Variants in OSBPL1A observed in about 807,000 individuals in gnomAD.
The protein encoded by OSBPL1A is oxysterol binding protein like 1A.
A neutral mutation model predicts 137.1 loss-of-function variants in OSBPL1A; 80 were observed. The observed-to-expected ratio is 0.58, with a 90% CI of 0.49 to 0.70. The LOEUF is 0.70. Among genes scored for constraint, OSBPL1A ranks in the 30% least tolerant of loss-of-function variants. The pLI is 0.00. For synonymous variants in OSBPL1A, 365 were observed against 389.7 expected, an observed-to-expected ratio of 0.94 and a Z score of 0.75; for missense variants, 970 against 1,129.4, an observed-to-expected ratio of 0.86 and a Z score of 2.02.
intron 15 of OSBPL1A, among the ~76,000 whole-genome samples, chr18:24,256,387 C>CT (rs774587344): frequency 6.6e-6 from 1 of 152,174 alleles, no homozygotes; most frequent in Non-Finnish European, 1.5e-5. Flanking sequence ...ACCATTTCAA[C>CT]TGATGCTGAA....
intron 15 of OSBPL1A, among the ~76,000 whole-genome samples, chr18:24,273,017 T>C (rs775348665): frequency 1.3e-5 from 2 of 152,182 alleles, no homozygotes; most frequent in Non-Finnish European, 2.9e-5. Context: ...GTGATTCTCG[T>C]GCCCCAGCTT....
At chr18:24,224,279 C>T (rs938698470) in intron 17 of OSBPL1A, among the ~76,000 whole-genome samples, 1 of 152,076 alleles carries the variant, frequency 6.6e-6, no homozygotes, top group African/African-American at 2.4e-5. Flanking sequence ...GTTACACAAC[C>T]TACAAATATT....
intron 1 of OSBPL1A, among the ~76,000 whole-genome samples, chr18:24,396,923 ATAT>A (rs1376099107): frequency 6.6e-6 from 1 of 152,206 alleles, no homozygotes; most frequent in African/African-American, 2.4e-5. Context: ...TGATTTAATT[ATAT>A]TATTAACTAT....
At chr18:24,393,644 G>A (rs1039920593) in intron 1 of OSBPL1A, among the ~76,000 whole-genome samples, 1 of 151,986 alleles carries the variant, frequency 6.6e-6, no homozygotes, top group Admixed American at 6.6e-5. Context: ...TAGTAGAGCC[G>A]GGGTTTCACT....
chr18:24,349,742 ACAAC>A (rs755662170), intron 4 of OSBPL1A, among the ~76,000 whole-genome samples: 1 of 144,588 alleles, frequency 6.9e-6, no homozygotes, highest in African/African-American at 2.6e-5. Context: ...AAAAAAAAAA[ACAAC>A]AACAGTGAAC....
At chr18:24,171,684 T>C (rs1271645551) in intron 22 of OSBPL1A, among the ~76,000 whole-genome samples, 186 bp from the exon 23 acceptor site, 3 of 152,182 alleles carry the variant, frequency 2.0e-5, no homozygotes, top group Non-Finnish European at 4.4e-5. Flanking sequence ...AAAAGGTATG[T>C]GAGGGGCAGA....
At chr18:24,168,614 C>G (rs370670039) in intron 24 of OSBPL1A, among the ~76,000 whole-genome samples, 5 of 152,164 alleles carry the variant, frequency 3.3e-5, no homozygotes, top group South Asian at 2.1e-4. Context: ...ATAGTCCCAG[C>G]ATCACACAGT....
chr18:24,305,650 T>C (rs2090485026), intron 13 of OSBPL1A, among the ~76,000 whole-genome samples: 2 of 152,242 alleles, frequency 1.3e-5, no homozygotes, highest in African/African-American at 2.4e-5. Context: ...ATGCCATTGA[T>C]ATTATGTCAG....
In OSBPL1A at chr18:24,387,524, C is replaced by T. The variant is rs1160500344; in HGVS notation, c.-2-9989G>A. Among the ~76,000 whole-genome samples, 14 of 152,098 alleles carry T rather than the reference C, an allele frequency of 9.2e-5. 1 individual carries two copies. The highest frequency in any genetic ancestry group is 1.6e-4 in the Non-Finnish European group (11 of 68,028). ...ATGATCTTTATATTCCTTTCAGCTA[C>T]ACTACAAAGAAAGAAACTACTAATA... On this transcript the variant is annotated intron_variant, in intron 1 of 27. Coordinates refer to ENST00000319481, the MANE Select transcript of OSBPL1A (RefSeq NM_080597.4).
chr18:24,302,236 G>GAA (rs368812387), intron 14 of OSBPL1A, among the ~76,000 whole-genome samples: 16,366 of 105,960 alleles, frequency 0.15, 1,841 homozygotes, highest in African/African-American at 0.33. Context: ...TCCATCTCAA[G>GAA]AAAAAAAAAA....
At chr18:24,307,580 A>G (rs954472289) in intron 13 of OSBPL1A, among the ~76,000 whole-genome samples, 2 of 152,176 alleles carry the variant, frequency 1.3e-5, no homozygotes, top group African/African-American at 4.8e-5. Context: ...ATATGTGTAC[A>G]TCCCTGTTTT....
chr18:24,240,585 C>T (rs1434969901), intron 15 of OSBPL1A, among the ~76,000 whole-genome samples: 2 of 152,208 alleles, frequency 1.3e-5, no homozygotes, highest in African/African-American at 2.4e-5. Context: ...CAGGGATCCA[C>T]TGGTAGGTAG....
At chr18:24,385,099 C>T (rs956421705) in intron 1 of OSBPL1A, among the ~76,000 whole-genome samples, 7 of 151,734 alleles carry the variant, frequency 4.6e-5, no homozygotes, top group East Asian at 2.0e-4. Flanking sequence ...GGACTACAGG[C>T]GCCCGCCACC....
rs781014032 is a variant in OSBPL1A, at chr18:24,225,556, A to T, written c.1445-358T>A. ...GCATCTTAAGTATAACTTCCAAAAA[A>T]ATTTTAATTTTTAAAACTCATGTAT... On this transcript the variant is annotated intron_variant, in intron 16 of 27. Coordinates refer to ENST00000319481, the MANE Select transcript of OSBPL1A (RefSeq NM_080597.4). Among the ~76,000 whole-genome samples the T allele has an allele frequency of 4.9e-4, 75 of 152,230 alleles. 1 individual carries two copies. Among genetic ancestry groups the T allele is most frequent in the Admixed American group, 1.9e-3 (29 of 15,290 alleles).
intron 16 of OSBPL1A, among the ~76,000 whole-genome samples, chr18:24,238,713 T>C (rs1380040553): frequency 6.6e-6 from 1 of 152,226 alleles, no homozygotes; most frequent in African/African-American, 2.4e-5. Flanking sequence ...CCCTTTAGTG[T>C]GTGTTTCTGA....
intron 7 of OSBPL1A, among the ~76,000 whole-genome samples, chr18:24,322,289 GTT>G (rs370119810): frequency 1.3e-4 from 18 of 140,852 alleles, no homozygotes; most frequent in Non-Finnish European, 9.3e-5. Flanking sequence ...TTTTGTATTT[GTT>G]TTTTTTTTTT....
At chr18:24,267,369 A>G (rs1181172200) in intron 15 of OSBPL1A, among the ~76,000 whole-genome samples, 2 of 152,246 alleles carry the variant, frequency 1.3e-5, no homozygotes, top group East Asian at 3.9e-4. Flanking sequence ...TTCAAGGAAC[A>G]GACCATTTCA....
At chr18:24,200,581 G>T (rs1409762545) in intron 17 of OSBPL1A, among the ~76,000 whole-genome samples, 2 of 141,784 alleles carry the variant, frequency 1.4e-5, no homozygotes, top group Non-Finnish European at 3.1e-5. Context: ...AAAAAAAAAA[G>T]TAAAAAAATC....
chr18:24,367,081 AC>A, intron 3 of OSBPL1A, 115 bp from the exon 4 acceptor site: 1 of 774,136 alleles, frequency 1.3e-6, no homozygotes, highest in Non-Finnish European at 1.9e-6. Context: ...AGGTGTCAGT[AC>A]TAACAATAAA....
Sources: gnomAD v4.1 joint callset for allele counts (sites outside exome capture counted in the v4.1 genomes callset) on GRCh38, gnomAD v4.1.1 for gene constraint, MANE v1.5 for transcripts, NCBI Gene and HGNC (gene_info 2026-07-23, HGNC 2026-07-21) for gene names.